LHFPL6: variants seen among roughly 807,000 people sequenced by gnomAD.
LHFPL6 encodes the protein LHFPL tetraspan subfamily member 6.
A neutral mutation model predicts 20.6 loss-of-function variants in LHFPL6; 9 were observed. The observed-to-expected ratio is 0.44, with a 90% CI of 0.26 to 0.76. LHFPL6 has a LOEUF of 0.76. Among genes scored for constraint, LHFPL6 ranks in the 30% least tolerant of loss-of-function variants. The probability of loss-of-function intolerance (pLI) is 0.20; values close to 1 mark genes in which losing one functional copy is unlikely to be tolerated. For synonymous variants in LHFPL6, 105 were observed against 98.7 expected, an observed-to-expected ratio of 1.06 and a Z score of -0.38; for missense variants, 218 against 253.5, an observed-to-expected ratio of 0.86 and a Z score of 0.95.
chr13:39,431,719 G>GT (rs1159501981), intron 2 of LHFPL6, among the ~76,000 whole-genome samples: 3 of 103,412 alleles, frequency 2.9e-5, no homozygotes, highest in East Asian at 3.0e-4. Context: ...AGAATTTGTG[G>GT]GGGGGGGGGG....
At chr13:39,463,096 G>T (rs536712028) in intron 2 of LHFPL6, among the ~76,000 whole-genome samples, 1 of 152,284 alleles carries the variant, frequency 6.6e-6, no homozygotes, top group Non-Finnish European at 1.5e-5. Context: ...GACAGGAAAT[G>T]GGCTTCATCG....
intron 2 of LHFPL6, among the ~76,000 whole-genome samples, chr13:39,457,424 G>A (rs1187691243): frequency 6.6e-6 from 1 of 152,178 alleles, no homozygotes; most frequent in Non-Finnish European, 1.5e-5. Context: ...AAATCACAAT[G>A]AGATATCACT....
chr13:39,398,037 C>T (rs1460329184), intron 2 of LHFPL6, among the ~76,000 whole-genome samples: 2 of 152,112 alleles, frequency 1.3e-5, no homozygotes, highest in Non-Finnish European at 2.9e-5. Context: ...TTTTGTTCAC[C>T]ACACACATCT....
At chr13:39,384,176 T>A (rs1870507751) in intron 2 of LHFPL6, among the ~76,000 whole-genome samples, 1 of 152,216 alleles carries the variant, frequency 6.6e-6, no homozygotes, top group Non-Finnish European at 1.5e-5. Flanking sequence ...ATCATCCATT[T>A]CCTTAAGTAA....
At chr13:39,381,985 G>A (rs1870449658) in intron 2 of LHFPL6, among the ~76,000 whole-genome samples, 1 of 152,192 alleles carries the variant, frequency 6.6e-6, no homozygotes, top group Admixed American at 6.5e-5. Context: ...GATTGGCTGA[G>A]ATTGCAGCTA....
rs1459720762 is a variant in LHFPL6, at chr13:39,343,736, A to G, written c.*200T>C. On this transcript the variant is annotated 3_prime_UTR_variant, in exon 4 of 4. Transcript: ENST00000379589. Reference sequence around the variant, plus strand: ...TTGGTCCATTTTTCTCCATCATTCTATACTCTCCTTTTTTTTCCCCCACAA... The same window carrying G: ...TTGGTCCATTTTTCTCCATCATTCTGTACTCTCCTTTTTTTTCCCCCACAA... The G allele has an allele frequency of 1.1e-5, 6 of 539,062 alleles. No individual in the cohort carries two copies. Among genetic ancestry groups the G allele is most frequent in the Admixed American group, 9.9e-5 (3 of 30,312 alleles). 33.4% of individuals were successfully genotyped at this position (539,062 alleles called of 1,614,324 possible).
chr13:39,416,253 C>A (rs750045272), intron 2 of LHFPL6, among the ~76,000 whole-genome samples: 1 of 151,976 alleles, frequency 6.6e-6, no homozygotes, highest in Non-Finnish European at 1.5e-5. Context: ...CCAAGGAGGG[C>A]TGATATGTTT....
chr13:39,343,744 C>T lies in LHFPL6; in HGVS notation c.*192G>A. Reference sequence around the variant, plus strand: ...TTTTTCTCCATCATTCTATACTCTCCTTTTTTTTCCCCCACAAATCTCCTA... The same window carrying T: ...TTTTTCTCCATCATTCTATACTCTCTTTTTTTTTCCCCCACAAATCTCCTA... On this transcript the variant is annotated 3_prime_UTR_variant, in exon 4 of 4. Transcript: ENST00000379589. 2 of 518,760 alleles carry T rather than the reference C, an allele frequency of 3.9e-6. No homozygotes were observed. 32.1% of individuals were successfully genotyped at this position (518,760 alleles called of 1,614,324 possible).
chr13:39,537,096 AT>A (rs1260416362), intron 2 of LHFPL6, among the ~76,000 whole-genome samples: 1 of 152,166 alleles, frequency 6.6e-6, no homozygotes. Flanking sequence ...CCTTGTGGGA[AT>A]TTTTAAAGTT....
At chr13:39,436,553 C>T (rs1413803231) in intron 2 of LHFPL6, among the ~76,000 whole-genome samples, 1 of 152,170 alleles carries the variant, frequency 6.6e-6, no homozygotes, top group Non-Finnish European at 1.5e-5. Context: ...CATATTTCTT[C>T]TCCATAGCCC....
intron 2 of LHFPL6, among the ~76,000 whole-genome samples, chr13:39,480,161 G>A (rs1194234163): frequency 1.3e-5 from 2 of 152,156 alleles, no homozygotes; most frequent in Admixed American, 1.3e-4. Context: ...AGAAGGTCTT[G>A]TCTGAGAAAA....
At chr13:39,402,435 G>C (rs1025493340) in intron 2 of LHFPL6, among the ~76,000 whole-genome samples, 3 of 152,074 alleles carry the variant, frequency 2.0e-5, no homozygotes, top group Non-Finnish European at 4.4e-5. Context: ...TTGCTATGTG[G>C]GTCAAGCTGG....
intron 2 of LHFPL6, among the ~76,000 whole-genome samples, chr13:39,468,994 T>C (rs1872875469): frequency 6.6e-6 from 1 of 152,216 alleles, no homozygotes; most frequent in Non-Finnish European, 1.5e-5. Context: ...TGCCTCAGGC[T>C]AGCCTAACTG....
At chr13:39,545,788 AG>A (rs1870963654) in intron 2 of LHFPL6, among the ~76,000 whole-genome samples, 1 of 152,018 alleles carries the variant, frequency 6.6e-6, no homozygotes, top group Non-Finnish European at 1.5e-5. Context: ...TAGTATTTTT[AG>A]GCTGGGCAAG....
chr13:39,431,355 T>C (rs1229834006), intron 2 of LHFPL6, among the ~76,000 whole-genome samples: 2 of 152,074 alleles, frequency 1.3e-5, no homozygotes, highest in African/African-American at 4.8e-5. Flanking sequence ...AGACACACCA[T>C]CTTTAAGAAC....
rs953170866 is a variant in LHFPL6, at chr13:39,343,883, C to G, written c.*53G>C. 3 of 1,433,450 alleles carry G rather than the reference C, an allele frequency of 2.1e-6. No homozygotes were observed. Among genetic ancestry groups the G allele is most frequent in the Non-Finnish European group, 2.9e-6 (3 of 1,020,648 alleles). 88.8% of individuals were successfully genotyped at this position (1,433,450 alleles called of 1,614,324 possible). On this transcript the variant is annotated 3_prime_UTR_variant, in exon 4 of 4. Transcript: ENST00000379589. ...TGAAGGTAGGTGGATGTTTTGACCT[C>G]TCCAAGCCCCTTTGGCCCATCTTCT...
intron 2 of LHFPL6, among the ~76,000 whole-genome samples, chr13:39,426,516 G>A (rs1871643076): frequency 6.6e-6 from 1 of 151,950 alleles, no homozygotes; most frequent in African/African-American, 2.4e-5. Flanking sequence ...CATCGCGCCT[G>A]GCCTAATTTA....
At chr13:39,587,693 C>T (rs558078439) in intron 2 of LHFPL6, among the ~76,000 whole-genome samples, 3 of 151,910 alleles carry the variant, frequency 2.0e-5, no homozygotes, top group East Asian at 1.9e-4. Flanking sequence ...CTACAGATGA[C>T]GAAGAGCTAA....
chr13:39,378,519 C>G lies in LHFPL6; in HGVS notation c.393G>C (p.Leu131Phe). Residue 131 changes from leucine (L) to phenylalanine (F), a missense_variant, in exon 3 of 4, where the codon TTG becomes TTC. Transcript: ENST00000379589. ...AGGIQFLGGL[L>F]IGAGCALYPL... ...GGTAGAGGGCACAGCCAGCACCAAT[C>G]AACAAGCCTGCAAAGAGATAAGACA... is the stretch of plus-strand genomic sequence containing the variant. 1 of 1,613,600 alleles carries G rather than the reference C, an allele frequency of 6.2e-7. No homozygotes were observed. The highest frequency in any genetic ancestry group is 8.5e-7 in the Non-Finnish European group (1 of 1,179,642).
Sources: allele counts gnomAD v4.1 joint callset (sites outside exome capture counted in the v4.1 genomes callset), GRCh38; gene constraint gnomAD v4.1.1; transcripts MANE v1.5; gene names NCBI Gene and HGNC (gene_info 2026-07-23, HGNC 2026-07-21).